Variants in PDE4D observed in about 807,000 individuals in gnomAD.
PDE4D encodes the protein phosphodiesterase 4D.
PDE4D carries 24 observed loss-of-function variants against 87.4 expected under a neutral mutation model. The ratio of observed to expected loss-of-function variants is 0.27; its 90% CI spans 0.20 to 0.39. The LOEUF is 0.39. Among genes scored for constraint, PDE4D ranks in the 10% least tolerant of loss-of-function variants. The pLI is 1.00. For synonymous variants in PDE4D, 384 were observed against 383.2 expected (o/e 1.00, Z -0.02); for missense variants, 714 against 1,041.0 (o/e 0.69, Z 4.32).
intron 1 of PDE4D, among the ~76,000 whole-genome samples, chr5:60,201,908 G>A (rs534594215): frequency 4.6e-5 from 7 of 152,118 alleles, no homozygotes; most frequent in Non-Finnish European, 1.0e-4. Context: ...TTTTTTATCA[G>A]CATATGGAAC....
chr5:60,120,871 T>C (rs1292715036), intron 2 of PDE4D, among the ~76,000 whole-genome samples: 1 of 152,104 alleles, frequency 6.6e-6, no homozygotes, highest in East Asian at 1.9e-4. Flanking sequence ...GGTGTGTCTG[T>C]GAGGGTGTTG....
intron 3 of PDE4D, among the ~76,000 whole-genome samples, chr5:59,913,007 A>G (rs974070396): frequency 6.6e-6 from 1 of 152,210 alleles, no homozygotes; most frequent in African/African-American, 2.4e-5. Context: ...AACCAGAAAT[A>G]CAAACATTGG....
intron 1 of PDE4D, among the ~76,000 whole-genome samples, chr5:59,271,235 C>T (rs1947095): frequency 0.24 from 36,737 of 151,826 alleles, 4,758 homozygotes; most frequent in Admixed American, 0.36. Context: ...GACAGGGTTG[C>T]GCCATTTTGG....
rs558140829 is a variant in PDE4D, at chr5:59,463,783, G to A, written c.456-247815C>T. Among the ~76,000 whole-genome samples the A allele has an allele frequency of 1.8e-4, 27 of 152,248 alleles. No homozygotes were observed. The South Asian group carries it at 4.1e-3, about 23-fold the overall frequency. Reference sequence around the variant, plus strand: ...GTATGTTAGAATATTAAAAGATCTCGGGTGTGGGGAAAAGCAAGAGAGATC... The same window carrying A: ...GTATGTTAGAATATTAAAAGATCTCAGGTGTGGGGAAAAGCAAGAGAGATC... On this transcript the variant is annotated intron_variant, in intron 1 of 14. Coordinates refer to ENST00000340635, the MANE Select transcript of PDE4D (RefSeq NM_001104631.2).
chr5:60,310,249 C>A (rs1029916969), intron 1 of PDE4D, among the ~76,000 whole-genome samples: 2 of 152,146 alleles, frequency 1.3e-5, no homozygotes, highest in Non-Finnish European at 2.9e-5. Flanking sequence ...TCCCACTTTA[C>A]CAGCATTTTA....
chr5:60,123,947 G>T (rs1281984528), intron 2 of PDE4D, among the ~76,000 whole-genome samples: 1 of 152,018 alleles, frequency 6.6e-6, no homozygotes, highest in African/African-American at 2.4e-5. Context: ...TGATAATTAA[G>T]AGGTAAAATT....
chr5:60,064,253 A>T (rs1393264153), intron 2 of PDE4D, among the ~76,000 whole-genome samples: 2 of 152,130 alleles, frequency 1.3e-5, no homozygotes, highest in Non-Finnish European at 2.9e-5. Flanking sequence ...ATAATTTAAC[A>T]ATATTTATTC....
intron 1 of PDE4D, among the ~76,000 whole-genome samples, chr5:59,663,168 T>G (rs1474835800): frequency 6.7e-6 from 1 of 148,706 alleles, no homozygotes; most frequent in African/African-American, 2.5e-5. Flanking sequence ...TTTTTCTTTG[T>G]TTTTTTTTTC....
chr5:60,364,722 C>T (rs1005316781), intron 1 of PDE4D, among the ~76,000 whole-genome samples: 1 of 152,176 alleles, frequency 6.6e-6, no homozygotes, highest in African/African-American at 2.4e-5. Context: ...GCCATTGGTG[C>T]TTAGTCGTTA....
intron 1 of PDE4D, among the ~76,000 whole-genome samples, chr5:59,248,299 G>A (rs931755662): frequency 6.6e-6 from 1 of 150,890 alleles, no homozygotes; most frequent in Admixed American, 6.7e-5. Flanking sequence ...GTTATGTTTT[G>A]CCCCCAAAGA....
At position 59,651,096 on chromosome 5, in the gene PDE4D, A is replaced by C. The variant is rs1011574934; in HGVS notation, c.455+242072T>G. On this transcript the variant is annotated intron_variant, in intron 1 of 14. Transcript: ENST00000340635. The stretch of plus-strand genomic sequence containing the variant: ...TAGTGAAACCCCATCTCTACTAAAA[A>C]TACAAAAAAATTAGCCTGGCGTGGT... Among the ~76,000 whole-genome samples the C allele has an allele frequency of 8.6e-5, 13 of 151,740 alleles. No homozygotes were observed. The East Asian group carries it at 1.2e-3, about 14-fold the overall frequency.
intron 13 of PDE4D, 59 bp downstream of exon 13, chr5:58,976,291 A>T: frequency 6.5e-7 from 1 of 1,538,318 alleles, no homozygotes; most frequent in Non-Finnish European, 8.8e-7. Context: ...CTGAACACGC[A>T]GACATGTGCA....
chr5:59,712,426 A>G (rs1410104313), intron 1 of PDE4D, among the ~76,000 whole-genome samples: 1 of 117,046 alleles, frequency 8.5e-6, no homozygotes, highest in Non-Finnish European at 1.8e-5. Context: ...ATATATATAT[A>G]TATTTAAGTT....
chr5:59,698,729 T>C (rs746113759), intron 1 of PDE4D, among the ~76,000 whole-genome samples: 1 of 152,168 alleles, frequency 6.6e-6, no homozygotes, highest in Non-Finnish European at 1.5e-5. Context: ...TATGCAGCTC[T>C]CTTGACAGGG....
intron 2 of PDE4D, among the ~76,000 whole-genome samples, chr5:60,112,793 A>T (rs1015561622): frequency 1.3e-5 from 2 of 152,122 alleles, no homozygotes; most frequent in African/African-American, 4.8e-5. Context: ...TACAAGGTCC[A>T]AGTAGAGAAC....
chr5:60,240,758 G>C (rs180929923), intron 1 of PDE4D, among the ~76,000 whole-genome samples: 252 of 152,224 alleles, frequency 1.7e-3, no homozygotes, highest in Non-Finnish European at 2.6e-3. Context: ...TGATTCTTCT[G>C]GATCTTATGC....
intron 5 of PDE4D, among the ~76,000 whole-genome samples, chr5:59,080,189 A>G (rs1274651768): frequency 1.3e-5 from 2 of 152,164 alleles, no homozygotes. Context: ...ATGACCTCAG[A>G]ATGTGTCAGT....
intron 2 of PDE4D, among the ~76,000 whole-genome samples, chr5:60,061,082 G>C (rs568532302): frequency 1.1e-4 from 17 of 152,150 alleles, no homozygotes; most frequent in African/African-American, 3.9e-4. Context: ...TCTGGCCAGG[G>C]CAATCAGGCA....
intron 1 of PDE4D, among the ~76,000 whole-genome samples, chr5:60,257,663 G>A (rs1749232340): frequency 6.6e-6 from 1 of 151,900 alleles, no homozygotes; most frequent in Non-Finnish European, 1.5e-5. Context: ...GCTAGAGAAA[G>A]CACTTCTGCC....
Sources: allele counts gnomAD v4.1 joint callset (sites outside exome capture counted in the v4.1 genomes callset), GRCh38; gene constraint gnomAD v4.1.1; transcripts MANE v1.5; gene names NCBI Gene and HGNC (gene_info 2026-07-23, HGNC 2026-07-21).